The following NDST3 variants were observed in gnomAD, a reference collection of about 807,000 sequenced individuals.
NDST3 encodes bifunctional heparan sulfate N-deacetylase/N-sulfotransferase 3.
Under a neutral mutation model 96.1 loss-of-function variants are expected in NDST3, and 58 were observed. That is an observed-to-expected ratio of 0.60 (90% confidence interval 0.49 to 0.75). The LOEUF (loss-of-function observed/expected upper bound fraction) is 0.75, where lower values mean the gene tolerates loss of function less well. Among genes scored for constraint, NDST3 ranks in the 30% least tolerant of loss-of-function variants. The pLI is 0.00. For synonymous variants in NDST3, 333 were observed against 359.7 expected, an observed-to-expected ratio of 0.93 and a Z score of 0.84; for missense variants, 788 against 1,034.2, an observed-to-expected ratio of 0.76 and a Z score of 3.27.
At chr4:118,143,708 A>C (rs1560675053) in intron 6 of NDST3, 24 bp downstream of exon 6, 1 of 1,559,702 alleles carries the variant, frequency 6.4e-7, no homozygotes, top group Non-Finnish European at 8.6e-7. Flanking sequence ...TCTCCAAATA[A>C]ATAGTGAAAA....
At chr4:118,041,698 A>G (rs1724475168) in intron 1 of NDST3, among the ~76,000 whole-genome samples, 1 of 152,178 alleles carries the variant, frequency 6.6e-6, no homozygotes, top group Admixed American at 6.5e-5. Flanking sequence ...TGACCATGCA[A>G]AAGTCTTCAA....
At chr4:118,235,638 C>A (rs948984038) in intron 9 of NDST3, among the ~76,000 whole-genome samples, 2 of 152,098 alleles carry the variant, frequency 1.3e-5, no homozygotes, top group East Asian at 3.9e-4. Context: ...AAGCTTGGAC[C>A]AAATAAGATA....
intron 12 of NDST3, 31 bp from the exon 13 acceptor site, chr4:118,253,468 G>T (rs762862316): frequency 7.5e-6 from 11 of 1,469,602 alleles, no homozygotes; most frequent in African/African-American, 2.9e-5. Flanking sequence ...TGATTTTCTG[G>T]TTTTTCTGTG....
chr4:118,165,368 G>A (rs1735478067), intron 6 of NDST3, among the ~76,000 whole-genome samples: 1 of 151,850 alleles, frequency 6.6e-6, no homozygotes, highest in Non-Finnish European at 1.5e-5. Context: ...CAATTAACCA[G>A]GAAGATATAA....
At chr4:118,086,901 T>C (rs905414004) in intron 2 of NDST3, among the ~76,000 whole-genome samples, 3 of 152,170 alleles carry the variant, frequency 2.0e-5, no homozygotes, top group Admixed American at 6.6e-5. Context: ...TATCTTTCCA[T>C]GCTAATACAA....
At chr4:118,067,579 C>T (rs143738635) in intron 2 of NDST3, among the ~76,000 whole-genome samples, 165 of 152,216 alleles carry the variant, frequency 1.1e-3, no homozygotes, top group African/African-American at 3.9e-3. Flanking sequence ...TCAAAGAAGA[C>T]ACAGCTGCTC....
intron 4 of NDST3, among the ~76,000 whole-genome samples, chr4:118,135,316 G>A (rs1455074901): frequency 1.3e-5 from 2 of 152,116 alleles, no homozygotes; most frequent in Non-Finnish European, 2.9e-5. Context: ...TCATGAGAAA[G>A]AATCCCAAAA....
intron 4 of NDST3, among the ~76,000 whole-genome samples, chr4:118,115,332 C>T (rs1440279050): frequency 1.3e-5 from 2 of 152,236 alleles, no homozygotes; most frequent in South Asian, 2.1e-4. Context: ...TAATGACAAA[C>T]CTTACAGCCA....
At chr4:118,156,363 C>A (rs1734711044) in intron 6 of NDST3, among the ~76,000 whole-genome samples, 1 of 152,152 alleles carries the variant, frequency 6.6e-6, no homozygotes, top group Non-Finnish European at 1.5e-5. Context: ...TCAGGCATAA[C>A]CCAATTATAA....
At position 118,058,624 on chromosome 4, in the gene NDST3, TGTGTGTGTGTGC is replaced by T. The variant is rs1214112212; in HGVS notation, c.981+3735_981+3746del. Among the ~76,000 whole-genome samples the T allele has an allele frequency of 6.5e-4, 27 of 41,312 alleles. 1 individual carries two copies. Among genetic ancestry groups the T allele is most frequent in the Non-Finnish European group, 1.5e-3 (13 of 8,558 alleles). 27.1% of individuals were successfully genotyped at this position (41,312 alleles called of 152,430 possible). On this transcript the variant is annotated intron_variant, in intron 2 of 13. Coordinates refer to ENST00000296499, the MANE Select transcript of NDST3 (RefSeq NM_004784.3). ...GTGTGTGTGTGTGTGTGTGTGTGTG[TGTGTGTGTGTGC>T]GCGCGCGCGCACGCATGCATGCAAA...
chr4:118,187,961 T>C (rs1444725316), intron 6 of NDST3, among the ~76,000 whole-genome samples: 1 of 152,138 alleles, frequency 6.6e-6, no homozygotes, highest in Non-Finnish European at 1.5e-5. Flanking sequence ...ATATTCTAGA[T>C]TATTAAGGGG....
chr4:118,212,542 A>G (rs1287182488), intron 6 of NDST3, among the ~76,000 whole-genome samples: 3 of 152,016 alleles, frequency 2.0e-5, no homozygotes, highest in Non-Finnish European at 4.4e-5. Flanking sequence ...CTTGTTTTTC[A>G]TTCATTCTTT....
At chr4:118,201,044 T>A (rs1738046392) in intron 6 of NDST3, among the ~76,000 whole-genome samples, 1 of 152,200 alleles carries the variant, frequency 6.6e-6, no homozygotes, top group African/African-American at 2.4e-5. Context: ...AGTTTTGAAT[T>A]TTCTGTTTCT....
chr4:118,248,344 C>T (rs1055065469), intron 12 of NDST3, among the ~76,000 whole-genome samples: 1 of 151,498 alleles, frequency 6.6e-6, no homozygotes, highest in Non-Finnish European at 1.5e-5. Context: ...GAGCAAAACT[C>T]CATCTCAAAA....
At chr4:118,224,036 T>C (rs913673737) in intron 6 of NDST3, among the ~76,000 whole-genome samples, 1 of 152,178 alleles carries the variant, frequency 6.6e-6, no homozygotes, top group South Asian at 2.1e-4. Context: ...TGTCTTTCAA[T>C]GCATGGATTC....
At chr4:118,201,055 G>T (rs188526469) in intron 6 of NDST3, among the ~76,000 whole-genome samples, 1 of 152,166 alleles carries the variant, frequency 6.6e-6, no homozygotes, top group Non-Finnish European at 1.5e-5. Context: ...TTCTGTTTCT[G>T]CATTAATTTG....
chr4:118,079,619 C>G (rs1370688011), intron 2 of NDST3, among the ~76,000 whole-genome samples: 2 of 151,942 alleles, frequency 1.3e-5, no homozygotes, highest in Non-Finnish European at 2.9e-5. Flanking sequence ...GTCTGGTGGG[C>G]CATGGAGAGG....
chr4:118,156,893 A>T (rs1734747137), intron 6 of NDST3, among the ~76,000 whole-genome samples: 1 of 152,214 alleles, frequency 6.6e-6, no homozygotes, highest in African/African-American at 2.4e-5. Flanking sequence ...ACAACATCTA[A>T]CAAATCTACA....
chr4:118,088,111 A>C (rs188080522), intron 2 of NDST3, among the ~76,000 whole-genome samples: 66 of 152,238 alleles, frequency 4.3e-4, no homozygotes, highest in African/African-American at 1.5e-3. Flanking sequence ...GTGAAATGCC[A>C]GTCAAGTAAC....
Sources: gnomAD v4.1 joint callset for allele counts (sites outside exome capture counted in the v4.1 genomes callset) on GRCh38, gnomAD v4.1.1 for gene constraint, MANE v1.5 for transcripts, NCBI Gene and HGNC (gene_info 2026-07-23, HGNC 2026-07-21) for gene names.